PPP1R37: variants seen among roughly 807,000 people sequenced by gnomAD.
The protein encoded by PPP1R37 is protein phosphatase 1 regulatory subunit 37.
A neutral mutation model predicts 61.0 loss-of-function variants in PPP1R37; 21 were observed. The observed-to-expected ratio is 0.34, with a 90% CI of 0.24 to 0.50. The LOEUF (loss-of-function observed/expected upper bound fraction) is 0.50. Among genes scored for constraint, PPP1R37 ranks in the 20% least tolerant of loss-of-function variants. PPP1R37 has a pLI of 0.98. For synonymous variants in PPP1R37, 443 were observed against 433.5 expected (o/e 1.02, Z -0.27); for missense variants, 910 against 952.7 (o/e 0.96, Z 0.59).
intron 1 of PPP1R37, among the ~76,000 whole-genome samples, chr19:45,129,532 C>T (rs1403374939): frequency 2.0e-5 from 3 of 152,122 alleles, no homozygotes; most frequent in African/African-American, 4.8e-5. Flanking sequence ...CTCCTGACCT[C>T]GTGATCTGCC....
At chr19:45,107,637 C>T (rs1968149278) in intron 1 of PPP1R37, among the ~76,000 whole-genome samples, 1 of 152,124 alleles carries the variant, frequency 6.6e-6, no homozygotes, top group African/African-American at 2.4e-5. Context: ...TTTGTCCCTT[C>T]ATTATTGAGT....
intron 1 of PPP1R37, among the ~76,000 whole-genome samples, chr19:45,112,634 G>A (rs1343722554): frequency 6.6e-6 from 1 of 152,130 alleles, no homozygotes; most frequent in Non-Finnish European, 1.5e-5. Context: ...CCTCTTTCAG[G>A]ACGCCCCCAA....
At chr19:45,096,249 G>A (rs1040060088) in intron 1 of PPP1R37, among the ~76,000 whole-genome samples, 2 of 152,150 alleles carry the variant, frequency 1.3e-5, no homozygotes, top group Non-Finnish European at 2.9e-5. Flanking sequence ...CGTGGGCCTG[G>A]AGTGAGGTGC....
At chr19:45,129,283 G>A (rs1968447372) in intron 1 of PPP1R37, among the ~76,000 whole-genome samples, 1 of 152,144 alleles carries the variant, frequency 6.6e-6, no homozygotes, top group Admixed American at 6.6e-5. Flanking sequence ...TGGTTGGGGG[G>A]AGACGGTGGG....
At chr19:45,134,711 C>G (rs970404018) in intron 1 of PPP1R37, among the ~76,000 whole-genome samples, 1 of 152,066 alleles carries the variant, frequency 6.6e-6, no homozygotes, top group Non-Finnish European at 1.5e-5. Flanking sequence ...AGGAACCCAC[C>G]ACCACGCCCG....
chr19:45,093,243 C>A lies in PPP1R37; in HGVS notation c.-83C>A. Reference sequence around the variant, plus strand: ...CTGAAGCGGCGGCGGAGCCCATGCCCCGGGACGGCGGGCGGACCCGGAGAG... The same window carrying A: ...CTGAAGCGGCGGCGGAGCCCATGCCACGGGACGGCGGGCGGACCCGGAGAG... On this transcript the variant is annotated 5_prime_UTR_variant, in exon 1 of 13. Transcript: ENST00000221462. 3 of 1,156,450 alleles carry A rather than the reference C, an allele frequency of 2.6e-6. No homozygotes were observed. Among genetic ancestry groups the A allele is most frequent in the Non-Finnish European group, 1.1e-6 (1 of 890,614 alleles). 71.6% of individuals were successfully genotyped at this position (1,156,450 alleles called of 1,614,324 possible).
chr19:45,096,399 A>G (rs1300504506), intron 1 of PPP1R37, among the ~76,000 whole-genome samples: 4 of 152,160 alleles, frequency 2.6e-5, no homozygotes, highest in Non-Finnish European at 5.9e-5. Flanking sequence ...TCAGTAAGCC[A>G]CTTTTCCTCT....
At chr19:45,128,211 T>A (rs558335921) in intron 1 of PPP1R37, among the ~76,000 whole-genome samples, 2 of 152,358 alleles carry the variant, frequency 1.3e-5, no homozygotes, top group South Asian at 4.1e-4. Context: ...GTTTATTGTA[T>A]GTCCTTCTGG....
chr19:45,138,233 A>C (rs1388943172), intron 1 of PPP1R37, among the ~76,000 whole-genome samples: 2 of 151,920 alleles, frequency 1.3e-5, no homozygotes, highest in Non-Finnish European at 2.9e-5. Context: ...TGATGTGTAG[A>C]AAGATTGTGT....
chr19:45,140,354 G>A (rs1218352459), intron 3 of PPP1R37, 73 bp downstream of exon 3: 2 of 1,452,624 alleles, frequency 1.4e-6, no homozygotes, highest in Non-Finnish European at 1.9e-6. Flanking sequence ...CTGGGTCTGA[G>A]GACCTGCCTG....
chr19:45,142,496 C>T, intron 7 of PPP1R37, 38 bp downstream of exon 7: 1 of 1,528,902 alleles, frequency 6.5e-7, no homozygotes, highest in Non-Finnish European at 8.8e-7. Flanking sequence ...ACCCGTCACC[C>T]AGCACCCACT....
rs1967946444 is a variant in PPP1R37, at chr19:45,093,345, A to G, written c.20A>G (p.Glu7Gly). 2 of 1,491,022 alleles carry G rather than the reference A, an allele frequency of 1.3e-6. No homozygotes were observed. The highest frequency in any genetic ancestry group is 2.9e-5 in the African/African-American group (2 of 68,926). 92.4% of individuals were successfully genotyped at this position (1,491,022 alleles called of 1,614,324 possible). Residue 7 changes from glutamate (E) to glycine (G), a missense_variant, in exon 1 of 13, where the codon GAG becomes GGG. Glu to Gly is a moderately conservative substitution (Grantham distance 98, BLOSUM62 -2). Coordinates refer to ENST00000221462, the MANE Select transcript of PPP1R37 (RefSeq NM_019121.2). ...GCGGCTATGGAGATCGCGCCGCAGGAGGCGCCGCCCGTGCCGGGCGCGGAC... is the reference window on the plus strand; with the variant it reads ...GCGGCTATGGAGATCGCGCCGCAGGGGGCGCCGCCCGTGCCGGGCGCGGAC... MEIAPQ[E>G]APPVPGADGD... is the part of the protein sequence containing the mutation.
At chr19:45,144,765 C>G in intron 8 of PPP1R37, 89 bp from the exon 9 acceptor site, 1 of 1,174,568 alleles carries the variant, frequency 8.5e-7, no homozygotes, top group Non-Finnish European at 1.2e-6. Flanking sequence ...CCGGGCCTGG[C>G]TCTCTTCCCG....
At chr19:45,123,048 C>A (rs1482657751) in intron 1 of PPP1R37, among the ~76,000 whole-genome samples, 3 of 152,182 alleles carry the variant, frequency 2.0e-5, no homozygotes, top group Non-Finnish European at 2.9e-5. Context: ...TTTCCAGATG[C>A]CTCCCGCTGC....
rs1410165814 is a variant in PPP1R37, at chr19:45,130,042, C to T, written c.203-8472C>T. ...GGGGGCTTCTGTGGGGTCCAGGCAG[C>T]ACAGGACCTAACCAGCAGGGTGCCA... On this transcript the variant is annotated intron_variant, in intron 1 of 12. Coordinates refer to ENST00000221462, the MANE Select transcript of PPP1R37 (RefSeq NM_019121.2). The surrounding 1 kb of genome is among the most constrained non-coding windows in gnomAD (Gnocchi z 4.4). Among the ~76,000 whole-genome samples the T allele has an allele frequency of 1.3e-5, 2 of 152,184 alleles. No homozygotes were observed. Among genetic ancestry groups the T allele is most frequent in the Admixed American group, 1.3e-4 (2 of 15,286 alleles).
In PPP1R37 at chr19:45,138,539, C is replaced by T. The variant is rs1483554862; in HGVS notation, c.228C>T (p.Val76=). ...RHAQNVTVDE[V]IGAYKQACQK... is the part of the protein sequence containing the mutation. ...CCCAGAATGTGACCGTGGACGAGGT[C>T]ATCGGCGCCTACAAGCAGGCCTGCC... is the stretch of plus-strand genomic sequence containing the variant. Residue 76 remains valine (V), a synonymous_variant, in exon 2 of 13, where the codon GTC becomes GTT. Coordinates refer to ENST00000221462, the MANE Select transcript of PPP1R37 (RefSeq NM_019121.2). The T allele has an allele frequency of 6.5e-7, 1 of 1,530,026 alleles. No homozygotes were observed. The highest frequency in any genetic ancestry group is 2.0e-5 in the Admixed American group (1 of 50,772). The allele number at this position is 1,530,026 out of a possible 1,614,324, so 94.8% of individuals were successfully genotyped here. A position where few individuals can be genotyped will look rare whatever the true frequency, so the allele number is the denominator to read the frequency against.
chr19:45,139,380 G>C (rs1968580320), intron 2 of PPP1R37, among the ~76,000 whole-genome samples: 1 of 152,260 alleles, frequency 6.6e-6, no homozygotes, highest in Non-Finnish European at 1.5e-5. Flanking sequence ...GGCCTTTTCT[G>C]TGCGTTGGCA....
intron 7 of PPP1R37, chr19:45,143,288 C>T (rs1451639744): frequency 4.2e-6 from 2 of 475,094 alleles, no homozygotes; most frequent in African/African-American, 4.0e-5. Context: ...GAGGTGGTCA[C>T]ATTTGAGCAA....
At chr19:45,144,642 C>T (rs1007858626) in intron 8 of PPP1R37, 7 of 541,002 alleles carry the variant, frequency 1.3e-5, no homozygotes, top group Middle Eastern at 9.5e-4. Context: ...TGGGAGTGGA[C>T]GGGGGACCTG....
Sources: gnomAD v4.1 joint callset for allele counts (sites outside exome capture counted in the v4.1 genomes callset) on GRCh38, gnomAD v4.1.1 for gene constraint, Gnocchi (gnomAD v3.1) non-coding constraint, MANE v1.5 for transcripts, NCBI Gene and HGNC (gene_info 2026-07-23, HGNC 2026-07-21) for gene names.